The following TMEM214 variants were observed in gnomAD, a reference collection of about 807,000 sequenced individuals.
The protein encoded by TMEM214 is transmembrane protein 214.
Under a neutral mutation model 89.8 loss-of-function variants are expected in TMEM214, and 71 were observed. The observed-to-expected ratio is 0.79, with a 90% CI of 0.65 to 0.96. TMEM214 has a LOEUF of 0.96. Ranked by LOEUF, TMEM214 falls within the 40% of genes least tolerant of loss-of-function variation. TMEM214 has a pLI of 0.00. For synonymous variants in TMEM214, 332 were observed against 349.5 expected (o/e 0.95, Z 0.56); for missense variants, 754 against 843.4 (o/e 0.89, Z 1.31).
In TMEM214 at chr2:27,038,877, G is replaced by C; in HGVS notation, c.1407+62G>C. ...CTTACATCTCTGTCTCAGCACACCT[G>C]GGTTGGGCCTGTATCACATTCCTGC... On this transcript the variant is annotated intron_variant, in intron 12 of 16. Coordinates refer to ENST00000238788, the MANE Select transcript of TMEM214 (RefSeq NM_017727.5). The surrounding 1 kb of genome is among the most constrained non-coding windows in gnomAD (Gnocchi z 4.4). 1 of 1,516,766 alleles carries C rather than the reference G, an allele frequency of 6.6e-7. No homozygotes were observed. Among genetic ancestry groups the C allele is most frequent in the South Asian group, 1.1e-5 (1 of 87,590 alleles). The allele number at this position is 1,516,766 out of a possible 1,614,324, so 94.0% of individuals were successfully genotyped here.
At chr2:27,036,186 C>A in intron 5 of TMEM214, 134 bp downstream of exon 5, 1 of 765,368 alleles carries the variant, frequency 1.3e-6, no homozygotes, top group Non-Finnish European at 2.2e-6. Flanking sequence ...ACTATTAGCA[C>A]CTATCCTGTG....
chr2:27,039,606 G>A, intron 13 of TMEM214, 135 bp from the exon 14 acceptor site: 1 of 783,984 alleles, frequency 1.3e-6, no homozygotes, highest in East Asian at 2.5e-5. Flanking sequence ...GCAGCCTGGA[G>A]CTGGCTTTGT....
chr2:27,034,810 C>T (rs1282880965), intron 2 of TMEM214, among the ~76,000 whole-genome samples: 7 of 151,954 alleles, frequency 4.6e-5, no homozygotes, highest in African/African-American at 1.7e-4. Context: ...TCTTGAACTC[C>T]TGACCTCAGG....
chr2:27,041,375 G>C lies in TMEM214; in HGVS notation c.*538G>C, dbSNP rs1667825526. ...CTCCACCTGAAGCCTGGGTGTGGCT[G>C]TCAGTGGACATGGGGAGCTGGATGG... On this transcript the variant is annotated 3_prime_UTR_variant, in exon 17 of 17. Coordinates refer to ENST00000238788, the MANE Select transcript of TMEM214 (RefSeq NM_017727.5). The C allele has an allele frequency of 6.5e-6, 1 of 154,662 alleles. No individual in the cohort carries two copies. Among genetic ancestry groups the C allele is most frequent in the Non-Finnish European group, 1.5e-5 (1 of 68,746 alleles). The allele number at this position is 154,662 out of a possible 1,614,324, so 9.6% of individuals were successfully genotyped here. A position where few individuals can be genotyped will look rare whatever the true frequency, so the allele number is the denominator to read the frequency against.
At chr2:27,034,601 CT>C (rs67511175) in intron 2 of TMEM214, 7,411 of 161,304 alleles carry the variant, frequency 0.046, 9 homozygotes, top group South Asian at 0.11. Context: ...CTGTTTTCCT[CT>C]TTTTTTTTTT....
At chr2:27,036,297 C>T (rs1482267195) in intron 5 of TMEM214, among the ~76,000 whole-genome samples, 190 bp from the exon 6 acceptor site, 1 of 152,254 alleles carries the variant, frequency 6.6e-6, no homozygotes, top group African/African-American at 2.4e-5. Flanking sequence ...TTCCTAGGCT[C>T]AGTCATCCAG....
intron 13 of TMEM214, 151 bp downstream of exon 13, chr2:27,039,315 C>T (rs1361825031): frequency 1.5e-6 from 1 of 658,414 alleles, no homozygotes; most frequent in African/African-American, 1.8e-5. Flanking sequence ...TTTTTTTGTC[C>T]ACAGATATGA....
Position 27,041,407 on chromosome 2 carries a change from C to G in TMEM214, c.*570C>G, listed in dbSNP as rs1667827338. On this transcript the variant is annotated 3_prime_UTR_variant, in exon 17 of 17. Transcript: ENST00000238788. ...GACATGGGGAGCTGGATGGAAATGC[C>G]TCTCACTTCAAAATGCCCAGCCTGC... 1.3e-5 allele frequency: 2 copies of G among 154,376 alleles called. No individual in the cohort carries two copies. The highest frequency in any genetic ancestry group is 2.9e-5 in the Non-Finnish European group (2 of 68,564). The allele number at this position is 154,376 out of a possible 1,614,324, so 9.6% of individuals were successfully genotyped here.
In TMEM214 at chr2:27,040,706, T is replaced by C. The variant is rs1420609636; in HGVS notation, c.1944-5T>C. On this transcript the variant is annotated splice_region_variant and splice_polypyrimidine_tract_variant and intron_variant, in intron 16 of 16. Coordinates refer to ENST00000238788, the MANE Select transcript of TMEM214 (RefSeq NM_017727.5). ...ATACTCAAAAATGTTCCACTTTCCT[T>C]CCAGAGGTGAGGTGACCTGGGACTG... The C allele has an allele frequency of 6.2e-7, 1 of 1,613,644 alleles. No individual in the cohort carries two copies. The highest frequency in any genetic ancestry group is 8.5e-7 in the Non-Finnish European group (1 of 1,179,888).
Position 27,040,009 on chromosome 2 carries a change from C to T in TMEM214, c.1623-21C>T, listed in dbSNP as rs555731306. ...CCTGAGGAGACTCAGAGCCCTCTTC[C>T]CCCACTTCCATCTTCCACAGCTGGC... On this transcript the variant is annotated intron_variant, in intron 14 of 16. Coordinates refer to ENST00000238788, the MANE Select transcript of TMEM214 (RefSeq NM_017727.5). 6 of 1,599,262 alleles carry T rather than the reference C, an allele frequency of 3.8e-6. No individual in the cohort carries two copies. In the Admixed American group the frequency reaches 8.3e-5, roughly 22 times the overall value.
chr2:27,036,770 C>G lies in TMEM214; in HGVS notation c.892C>G (p.Leu298Val), dbSNP rs201738953. 1.9e-6 allele frequency: 3 copies of G among 1,614,084 alleles called. No homozygotes were observed. The highest frequency in any genetic ancestry group is 2.5e-6 in the Non-Finnish European group (3 of 1,180,016). Reference sequence around the variant, plus strand: ...TCTGTCTCCCTTTGCCATCACATACCTGGATCGGCTGCTCCTGTGAGTAAT... The same window carrying G: ...TCTGTCTCCCTTTGCCATCACATACGTGGATCGGCTGCTCCTGTGAGTAAT... Reference protein sequence around the residue: ...KSLSPFAITYLDRLLLMHPNL... With the variant: ...KSLSPFAITYVDRLLLMHPNL... The change falls in exon 7 of 17, where the codon CTG (leucine) becomes GTG (valine). Residue 298 changes from leucine to valine, a missense_variant. By Grantham distance (32) the Leu-to-Val change is conservative. Transcript: ENST00000238788.
Position 27,039,857 on chromosome 2 carries a change from G to GGGAGA in TMEM214, c.1622+28_1622+32dup, listed in dbSNP as rs757142324. Reference sequence around the variant, plus strand: ...CTACAGGTGAGCTCCTCCCAGGGAGGGGAGAGGAGAGGCAGAAGAGAGAAG... The same window carrying GGGAGA: ...CTACAGGTGAGCTCCTCCCAGGGAGGGGAGAGGAGAGGAGAGGCAGAAGAGAGAAG... On this transcript the variant is annotated intron_variant, in intron 14 of 16. Coordinates refer to ENST00000238788, the MANE Select transcript of TMEM214 (RefSeq NM_017727.5). 6.2e-7 allele frequency: 1 copy of GGGAGA among 1,612,320 alleles called. No individual in the cohort carries two copies. Among genetic ancestry groups the GGGAGA allele is most frequent in the African/African-American group, 1.3e-5 (1 of 74,594 alleles).
intron 14 of TMEM214, 48 bp from the exon 15 acceptor site, chr2:27,039,982 G>A: frequency 1.3e-6 from 2 of 1,595,566 alleles, no homozygotes; most frequent in Middle Eastern, 1.7e-4. Flanking sequence ...GAGCTAAGTG[G>A]GCCTGAGGAG....
At chr2:27,037,230 C>A in intron 8 of TMEM214, 52 bp downstream of exon 8, 1 of 1,377,330 alleles carries the variant, frequency 7.3e-7, no homozygotes, top group South Asian at 1.2e-5. Context: ...GCACCAGAAC[C>A]ACACTACATA....
chr2:27,036,396 T>G (rs534744697), intron 5 of TMEM214, 91 bp from the exon 6 acceptor site: 231 of 1,104,056 alleles, frequency 2.1e-4, no homozygotes, highest in Middle Eastern at 5.6e-4. Context: ...TCCTCCCTCT[T>G]CCAGTTGACA....
intron 16 of TMEM214, 98 bp downstream of exon 16, chr2:27,040,594 C>T (rs1188919785): frequency 1.3e-6 from 2 of 1,581,390 alleles, no homozygotes; most frequent in African/African-American, 2.7e-5. Flanking sequence ...CACTGTCCTG[C>T]CCCTCGCTCC....
intron 14 of TMEM214, 73 bp from the exon 15 acceptor site, chr2:27,039,957 C>A: frequency 6.3e-7 from 1 of 1,594,226 alleles, no homozygotes; most frequent in Non-Finnish European, 8.5e-7. Flanking sequence ...CTCCCTTTCC[C>A]CAGCTGTTTC....
At position 27,038,724 on chromosome 2, in the gene TMEM214, CCATT is replaced by C. The variant is rs1456401592; in HGVS notation, c.1319_1322del (p.Ile440SerfsTer11). On this transcript the variant is annotated frameshift_variant, in exon 12 of 17. Coordinates refer to ENST00000238788, the MANE Select transcript of TMEM214 (RefSeq NM_017727.5). LOFTEE classifies it high-confidence loss of function. The surrounding 1 kb of genome is among the most constrained non-coding windows in gnomAD (Gnocchi z 4.4). ...TAGGTACAGAAGTCTTTGCAAGAAACCATTCAGTCCCTCAAGCTTACCAACCAGG... is the reference window on the plus strand; with the variant it reads ...TAGGTACAGAAGTCTTTGCAAGAAACCAGTCCCTCAAGCTTACCAACCAGG... 6.2e-7 allele frequency: 1 copy of C among 1,614,154 alleles called. No individual in the cohort carries two copies. The highest frequency in any genetic ancestry group is 1.1e-5 in the South Asian group (1 of 91,084).
chr2:27,035,932 A>T, intron 4 of TMEM214, 38 bp from the exon 5 acceptor site: 2 of 1,610,160 alleles, frequency 1.2e-6, no homozygotes, highest in Non-Finnish European at 1.7e-6. Context: ...TGGGATGCCA[A>T]ATAATGTGAG....
Sources: allele counts gnomAD v4.1 joint callset (sites outside exome capture counted in the v4.1 genomes callset), GRCh38; gene constraint gnomAD v4.1.1; non-coding constraint Gnocchi (gnomAD v3.1); transcripts MANE v1.5; gene names NCBI Gene and HGNC (gene_info 2026-07-23, HGNC 2026-07-21).